Variants in CTNNA2 observed in about 807,000 individuals in gnomAD.
CTNNA2 encodes catenin alpha-2.
CTNNA2 carries 42 observed loss-of-function variants against 101.0 expected under a neutral mutation model. That is an observed-to-expected ratio of 0.42 (90% confidence interval 0.32 to 0.54). CTNNA2 has a LOEUF of 0.54. CTNNA2 is among the 20% of genes least tolerant of loss of function. The pLI is 0.14. For missense variants in CTNNA2, 871 were observed against 1,223.1 expected (o/e 0.71, Z 4.29); for synonymous variants, 450 against 456.4 (o/e 0.99, Z 0.18).
intron 1 of CTNNA2, among the ~76,000 whole-genome samples, chr2:79,586,070 G>A (rs1430645): frequency 0.74 from 112,768 of 151,994 alleles, 42,003 homozygotes; most frequent in South Asian, 0.77. Flanking sequence ...GTCTGAAACC[G>A]ACCCATGGAG....
chr2:79,962,745 C>T (rs1438493411), intron 7 of CTNNA2, among the ~76,000 whole-genome samples: 1 of 152,052 alleles, frequency 6.6e-6, no homozygotes, highest in Non-Finnish European at 1.5e-5. Context: ...GAGCCAGGTG[C>T]AGAAATTTGA....
intron 3 of CTNNA2, among the ~76,000 whole-genome samples, chr2:79,751,297 T>C (rs1441482327): frequency 2.6e-5 from 4 of 151,770 alleles, no homozygotes; most frequent in African/African-American, 9.7e-5. Flanking sequence ...TCAGGTACAG[T>C]TAGAAATATA....
chr2:80,622,343 T>C (rs1671223891), intron 18 of CTNNA2, among the ~76,000 whole-genome samples: 2 of 151,904 alleles, frequency 1.3e-5, no homozygotes, highest in South Asian at 4.1e-4. Context: ...CTTGGAGATA[T>C]TCTGGTATTG....
intron 4 of CTNNA2, among the ~76,000 whole-genome samples, chr2:79,408,277 C>T (rs1194199958): frequency 1.4e-5 from 2 of 143,638 alleles, no homozygotes; most frequent in Admixed American, 7.2e-5. Flanking sequence ...TCACAGAGAA[C>T]ATAAAGAATA....
chr2:79,870,196 T>C (rs2104024960), intron 5 of CTNNA2, among the ~76,000 whole-genome samples: 1 of 152,278 alleles, frequency 6.6e-6, no homozygotes, highest in Non-Finnish European at 1.5e-5. Context: ...TACCACACTC[T>C]GATCTTCTAT....
chr2:79,993,659 G>A (rs1692338459), intron 7 of CTNNA2, among the ~76,000 whole-genome samples: 1 of 152,140 alleles, frequency 6.6e-6, no homozygotes, highest in Non-Finnish European at 1.5e-5. Context: ...GGAGTGAAGA[G>A]GGAGAAGAGA....
intron 1 of CTNNA2, among the ~76,000 whole-genome samples, chr2:79,588,224 C>T (rs151062391): frequency 6.6e-6 from 1 of 152,320 alleles, no homozygotes; most frequent in East Asian, 1.9e-4. Flanking sequence ...TGAACAAAGA[C>T]TCTGAAGTTC....
At chr2:79,286,083 C>T (rs1356843366) in intron 2 of CTNNA2, among the ~76,000 whole-genome samples, 2 of 151,374 alleles carry the variant, frequency 1.3e-5, no homozygotes, top group Non-Finnish European at 2.9e-5. Context: ...CAACCCCTGC[C>T]TTTTTTTGTT....
chr2:80,590,380 A>C (rs1027858328), intron 15 of CTNNA2, among the ~76,000 whole-genome samples: 8 of 152,234 alleles, frequency 5.3e-5, no homozygotes, highest in Non-Finnish European at 1.2e-4. Context: ...CAAAGAGATA[A>C]TGCAAGTATA....
At chr2:80,067,968 C>T (rs1323634141) in intron 7 of CTNNA2, among the ~76,000 whole-genome samples, 1 of 152,164 alleles carries the variant, frequency 6.6e-6, no homozygotes, top group African/African-American at 2.4e-5. Context: ...GATGAGGGAC[C>T]CCAGGCCACA....
chr2:79,841,350 C>T (rs994783857), intron 3 of CTNNA2, among the ~76,000 whole-genome samples: 1 of 152,102 alleles, frequency 6.6e-6, no homozygotes, highest in African/African-American at 2.4e-5. Flanking sequence ...TTAATATTTT[C>T]CTAGAGGAAT....
chr2:79,717,498 C>G (rs1050898104), intron 2 of CTNNA2, among the ~76,000 whole-genome samples: 1 of 152,116 alleles, frequency 6.6e-6, no homozygotes, highest in African/African-American at 2.4e-5. Context: ...AGGGAGGAGG[C>G]AGCCACAGCA....
At chr2:79,683,622 C>A (rs12471533) in intron 2 of CTNNA2, among the ~76,000 whole-genome samples, 71,762 of 152,016 alleles carry the variant, frequency 0.47, 17,452 homozygotes, top group Non-Finnish European at 0.53. Context: ...CACTCTTTTA[C>A]ATTGTTAAGT....
intron 18 of CTNNA2, among the ~76,000 whole-genome samples, chr2:80,626,835 G>C (rs542106528): frequency 6.6e-6 from 1 of 152,082 alleles, no homozygotes; most frequent in South Asian, 2.1e-4. Context: ...ATCTACTTTA[G>C]ATATTTCTCC....
chr2:79,980,766 C>G (rs1394869210), intron 7 of CTNNA2, among the ~76,000 whole-genome samples: 2 of 151,932 alleles, frequency 1.3e-5, no homozygotes, highest in African/African-American at 4.8e-5. Context: ...GAAAAATAAG[C>G]AATTAGAAAT....
intron 7 of CTNNA2, among the ~76,000 whole-genome samples, chr2:80,154,693 A>T (rs1703906892): frequency 6.6e-6 from 1 of 152,004 alleles, no homozygotes; most frequent in Admixed American, 6.6e-5. Context: ...GTTATTTCTC[A>T]CTCCTAATAC....
intron 2 of CTNNA2, among the ~76,000 whole-genome samples, chr2:79,673,780 G>T (rs527861452): frequency 6.6e-6 from 1 of 152,152 alleles, no homozygotes; most frequent in African/African-American, 2.4e-5. Context: ...GTGTGTAATT[G>T]CAATGACTTT....
At chr2:79,405,604 GT>G (rs1266606864) in intron 4 of CTNNA2, among the ~76,000 whole-genome samples, 1 of 151,988 alleles carries the variant, frequency 6.6e-6, no homozygotes, top group Non-Finnish European at 1.5e-5. Flanking sequence ...GGGATTACAG[GT>G]CCTAGCCACT....
At chr2:80,631,886 G>T (rs985751495) in intron 18 of CTNNA2, among the ~76,000 whole-genome samples, 3 of 152,056 alleles carry the variant, frequency 2.0e-5, no homozygotes, top group African/African-American at 7.2e-5. Flanking sequence ...ACTTTTTGTT[G>T]TTGTTGTTGT....
Sources: gnomAD v4.1 joint callset for allele counts (sites outside exome capture counted in the v4.1 genomes callset) on GRCh38, gnomAD v4.1.1 for gene constraint, MANE v1.5 for transcripts, NCBI Gene and HGNC (gene_info 2026-07-23, HGNC 2026-07-21) for gene names.